The following SLC25A53 variants were observed in gnomAD, a reference collection of about 807,000 sequenced individuals.
SLC25A53 encodes mitochondrial carrier triple repeat protein 6.
In SLC25A53, 5 loss-of-function variants were observed where a neutral mutation model predicts 15.0. The observed-to-expected ratio is 0.33, with a 90% CI of 0.17 to 0.70. SLC25A53 has a LOEUF of 0.70. Ranked by LOEUF, SLC25A53 falls within the 30% of genes least tolerant of loss-of-function variation. The pLI is 0.67. For missense variants in SLC25A53, 216 were observed against 241.6 expected (o/e 0.89, Z 0.70); for synonymous variants, 95 against 100.0 (o/e 0.95, Z 0.30).
At chrX:104,153,288 A>G (rs1190485958) in intron 1 of SLC25A53, among the ~76,000 whole-genome samples, 1 of 109,881 alleles carries the variant, frequency 9.1e-6, no homozygotes, top group Non-Finnish European at 1.9e-5. Flanking sequence ...ATGGAAAACA[A>G]AATGTTCCAG....
intron 1 of SLC25A53, among the ~76,000 whole-genome samples, chrX:104,152,917 T>A (rs2075489400): frequency 9.0e-6 from 1 of 111,495 alleles, no homozygotes; most frequent in African/African-American, 3.3e-5. Context: ...CTAGCGAGAT[T>A]TGGGATGAAG....
At chrX:104,116,723 A>G (rs2075378245) in intron 1 of SLC25A53, among the ~76,000 whole-genome samples, 1 of 111,198 alleles carries the variant, frequency 9.0e-6, no homozygotes, top group Non-Finnish European at 1.9e-5. Flanking sequence ...TAGAAGCCAC[A>G]CACTGCAAGG....
At position 104,146,592 on chromosome X, in the gene SLC25A53, A is replaced by G. The variant is rs782380674; in HGVS notation, c.-32+10286T>C. ...AGCCCCAAATCTCCTTAAGCTGATA[A>G]GCAGCTTCAGCAAAGTCTCAGGATA... On this transcript the variant is annotated intron_variant, in intron 1 of 1. Coordinates refer to ENST00000594199, the MANE Select transcript of SLC25A53 (RefSeq NM_001012755.5). Among the ~76,000 whole-genome samples the G allele has an allele frequency of 4.6e-4, 52 of 112,215 alleles. 1 individual carries two copies. Among genetic ancestry groups the G allele is most frequent in the African/African-American group, 1.6e-3 (48 of 30,852 alleles).
chrX:104,112,529 T>G (rs2075352461), intron 1 of SLC25A53: 1 of 113,696 alleles, frequency 8.8e-6, no homozygotes, highest in Non-Finnish European at 1.9e-5. Context: ...TCACGCTCTT[T>G]TGTCTCAGTC....
chrX:104,144,479 T>C (rs2075460107), intron 1 of SLC25A53, among the ~76,000 whole-genome samples: 1 of 110,581 alleles, frequency 9.0e-6, no homozygotes, highest in African/African-American at 3.3e-5. Context: ...TCTTAAGCAG[T>C]AGAGGTCCAC....
chrX:104,148,525 C>T (rs142353529), intron 1 of SLC25A53, among the ~76,000 whole-genome samples: 6,830 of 110,522 alleles, frequency 0.062, 223 homozygotes, highest in Non-Finnish European at 0.096. Context: ...GAGTTCATGT[C>T]CTTTGTAGAG....
Position 104,100,881 on chromosome X carries a change from G to GC in SLC25A53, c.*3452dup. 9.0e-6 allele frequency: 1 copy of GC among 111,664 alleles called. No individual in the cohort carries two copies. The highest frequency in any genetic ancestry group is 2.8e-4 in the East Asian group (1 of 3,545). The allele number at this position is 111,664 out of a possible 1,213,427, so 9.2% of individuals were successfully genotyped here. On this transcript the variant is annotated 3_prime_UTR_variant, in exon 2 of 2. Coordinates refer to ENST00000594199, the MANE Select transcript of SLC25A53 (RefSeq NM_001012755.5). ...CACTAAGTGAGCAATCAGTTCTGCAGCGAACACCAGCTGGGTGTACTCCAA... is the reference window on the plus strand; with the variant it reads ...CACTAAGTGAGCAATCAGTTCTGCAGCCGAACACCAGCTGGGTGTACTCCAA...
At position 104,101,704 on chromosome X, in the gene SLC25A53, T is replaced by C. The variant is rs1442420664; in HGVS notation, c.*2630A>G. 1 of 111,920 alleles carries C rather than the reference T, an allele frequency of 8.9e-6. No individual in the cohort carries two copies. Among genetic ancestry groups the C allele is most frequent in the African/African-American group, 3.3e-5 (1 of 30,740 alleles). The allele number at this position is 111,920 out of a possible 1,213,427, so 9.2% of individuals were successfully genotyped here. A position where few individuals can be genotyped will look rare whatever the true frequency, so the allele number is the denominator to read the frequency against. On this transcript the variant is annotated 3_prime_UTR_variant, in exon 2 of 2. Coordinates refer to ENST00000594199, the MANE Select transcript of SLC25A53 (RefSeq NM_001012755.5). ...TCTACAAACATTGAATCTAGGAATA[T>C]TGAAAACTGATGTATGCAACTCTCA...
At position 104,104,944 on chromosome X, in the gene SLC25A53, A is replaced by C; in HGVS notation, c.314T>G (p.Phe105Cys). 1 of 1,211,475 alleles carries C rather than the reference A, an allele frequency of 8.3e-7. No individual in the cohort carries two copies. The highest frequency in any genetic ancestry group is 1.1e-6 in the Non-Finnish European group (1 of 895,476). ...GGTGTGTGGCCCAACAGGAGAGAGA[A>C]AGCACAGCAGGCTATCATAAGTCCC... ...LFGTYDSLLCFLSPVGPHTLG... is the reference protein window; with the variant it reads ...LFGTYDSLLCCLSPVGPHTLG... The change falls in exon 2 of 2, where the codon TTT (phenylalanine) becomes TGT (cysteine). Residue 105 changes from phenylalanine to cysteine, a missense_variant. Phe to Cys is a radical substitution (Grantham distance 205). Coordinates refer to ENST00000594199, the MANE Select transcript of SLC25A53 (RefSeq NM_001012755.5).
intron 1 of SLC25A53, among the ~76,000 whole-genome samples, chrX:104,128,765 GACACACACACGT>G (rs2075417908): frequency 9.3e-6 from 1 of 107,994 alleles, no homozygotes; most frequent in Non-Finnish European, 1.9e-5. Context: ...AACAGACACA[GACACACACACGT>G]ACACACACAC....
At chrX:104,119,589 T>C (rs1298437063) in intron 1 of SLC25A53, among the ~76,000 whole-genome samples, 1 of 110,573 alleles carries the variant, frequency 9.0e-6, no homozygotes, top group Non-Finnish European at 1.9e-5. Flanking sequence ...AGGCATATTC[T>C]ACAAGCTCTA....
intron 1 of SLC25A53, chrX:104,113,842 T>C: frequency 3.0e-6 from 1 of 335,152 alleles, no homozygotes; most frequent in Non-Finnish European, 5.1e-6. Flanking sequence ...CTCTGGAATG[T>C]TGTAATTGCC....
At chrX:104,153,640 T>G (rs1195377617) in intron 1 of SLC25A53, among the ~76,000 whole-genome samples, 3 of 111,869 alleles carry the variant, frequency 2.7e-5, no homozygotes, top group African/African-American at 9.7e-5. Flanking sequence ...ACAGTGGAGG[T>G]GTGAACTCCA....
In SLC25A53 at chrX:104,104,115, A is replaced by G. The variant is rs178124; in HGVS notation, c.*219T>C. On this transcript the variant is annotated 3_prime_UTR_variant, in exon 2 of 2. Coordinates refer to ENST00000594199, the MANE Select transcript of SLC25A53 (RefSeq NM_001012755.5). ...GCCTCCTGGCTCTGAGGCTACTGAAACTGTGGAGAGACTGGGGTGAACGTT... is the reference window on the plus strand; with the variant it reads ...GCCTCCTGGCTCTGAGGCTACTGAAGCTGTGGAGAGACTGGGGTGAACGTT... 146,483 of 394,465 alleles carry G rather than the reference A, an allele frequency of 0.37. 19,695 individuals are homozygous for G. The highest frequency in any genetic ancestry group is 0.58 in the Admixed American group (13,613 of 23,558). The allele number at this position is 394,465 out of a possible 1,213,427, so 32.5% of individuals were successfully genotyped here.
rs184750652 is a variant in SLC25A53, at chrX:104,141,390, A to G, written c.-32+15488T>C. 5.4e-5 allele frequency among the ~76,000 whole-genome samples: 6 copies of G among 112,043 alleles called. No individual in the cohort carries two copies. In the East Asian group the frequency reaches 1.7e-3, roughly 32 times the overall value. On this transcript the variant is annotated intron_variant, in intron 1 of 1. Coordinates refer to ENST00000594199, the MANE Select transcript of SLC25A53 (RefSeq NM_001012755.5). ...TTACCTGAAAACAAAACAAAGGCAT[A>G]GGAAAGAAAAATGTAAAACTCCTAG...
chrX:104,115,850 T>C (rs916719420), intron 1 of SLC25A53: 1 of 122,988 alleles, frequency 8.1e-6, no homozygotes, highest in Non-Finnish European at 1.9e-5. Flanking sequence ...TAACTTCATG[T>C]CTCTGTGTGA....
chrX:104,104,717 C>T lies in SLC25A53; in HGVS notation c.541G>A (p.Val181Ile). The T allele has an allele frequency of 8.3e-7, 1 of 1,211,757 alleles. No individual in the cohort carries two copies. The highest frequency in any genetic ancestry group is 1.8e-5 in the South Asian group (1 of 56,996). ...SLGYYRGFWP[V>I]LARNSLGSAL... ...CTCCCCAGGCTGTTCCTGGCCAGGA[C>T]AGGCCAGAAACCACGATAGTAGCCC... Residue 181 changes from valine (V) to isoleucine (I), a missense_variant, in exon 2 of 2, where the codon GTC becomes ATC. Physicochemically the swap from Val to Ile is conservative, Grantham distance 29. Coordinates refer to ENST00000594199, the MANE Select transcript of SLC25A53 (RefSeq NM_001012755.5).
chrX:104,111,135 T>C (rs1202484639), intron 1 of SLC25A53, among the ~76,000 whole-genome samples: 1 of 112,196 alleles, frequency 8.9e-6, no homozygotes, highest in Non-Finnish European at 1.9e-5. Context: ...CGTGGTGGTG[T>C]TTAGAAAAGT....
chrX:104,120,761 A>G (rs1412676923), intron 1 of SLC25A53, among the ~76,000 whole-genome samples: 2 of 112,174 alleles, frequency 1.8e-5, no homozygotes, highest in Non-Finnish European at 3.8e-5. Context: ...TCAAGGGACC[A>G]CTTTGAGCAA....
Sources: gnomAD v4.1 joint callset for allele counts (sites outside exome capture counted in the v4.1 genomes callset) on GRCh38, gnomAD v4.1.1 for gene constraint, MANE v1.5 for transcripts, NCBI Gene and HGNC (gene_info 2026-07-23, HGNC 2026-07-21) for gene names.